DSG2: variants seen among roughly 807,000 people sequenced by gnomAD.
DSG2 encodes desmoglein 2, also known as desmoglein-2.
In DSG2, 45 loss-of-function variants were observed where a neutral mutation model predicts 75.6. That is an observed-to-expected ratio of 0.60 (90% CI 0.47 to 0.76). The LOEUF is 0.76. DSG2 is among the 30% of genes least tolerant of loss of function. DSG2 has a pLI of 0.00. For missense variants in DSG2, 1,267 were observed against 1,357.4 expected, an observed-to-expected ratio of 0.93 and a Z score of 1.05; for synonymous variants, 429 against 483.9, an observed-to-expected ratio of 0.89 and a Z score of 1.49.
chr18:31,499,087 CTGTT>C (rs989306545), intron 1 of DSG2, among the ~76,000 whole-genome samples: 9 of 146,610 alleles, frequency 6.1e-5, no homozygotes, highest in African/African-American at 2.2e-4. Flanking sequence ...TGTTGGTTTT[CTGTT>C]TGTTTAAGGG....
intron 14 of DSG2, among the ~76,000 whole-genome samples, chr18:31,544,865 C>T (rs1257998130): frequency 6.6e-6 from 1 of 152,174 alleles, no homozygotes; most frequent in Non-Finnish European, 1.5e-5. Flanking sequence ...CTGAAGGGCC[C>T]TAGAGAGGAG....
At chr18:31,533,467 T>C (rs1427692772) in intron 9 of DSG2, among the ~76,000 whole-genome samples, 1 of 152,246 alleles carries the variant, frequency 6.6e-6, no homozygotes, top group Non-Finnish European at 1.5e-5. Context: ...CATAATTTAC[T>C]GTTTTATTGA....
At chr18:31,502,087 G>T (rs1040746441) in intron 1 of DSG2, among the ~76,000 whole-genome samples, 1 of 152,162 alleles carries the variant, frequency 6.6e-6, no homozygotes, top group Admixed American at 6.5e-5. Flanking sequence ...ATGGGAAAAT[G>T]GCAGCTCTTA....
rs778119035 is a variant in DSG2 at position 31,536,333 on chromosome 18, G to A, written c.1555G>A (p.Asp519Asn). ...DAEYVNVTAE[D>N]LDGHPNSGPF... The stretch of plus-strand genomic sequence containing the variant: ...AGAGTATGTGAATGTTACTGCAGAG[G>A]ACCTGGATGGACACCCAAACAGTGG... The change falls in exon 11 of 15, where the codon GAC becomes AAC. Residue 519 changes from aspartate to asparagine, a missense_variant. Transcript: ENST00000261590. 1 of 1,614,064 alleles carries A rather than the reference G, an allele frequency of 6.2e-7. No individual in the cohort carries two copies. Among genetic ancestry groups the A allele is most frequent in the African/African-American group, 1.3e-5 (1 of 74,920 alleles).
Position 31,547,821 on chromosome 18 carries a change from A to G in DSG2, c.*1078A>G, listed in dbSNP as rs1344792567. The stretch of plus-strand genomic sequence containing the variant: ...AAATAATTTTACTTCTTATAGTAAT[A>G]GTATACTTTAAAAAGCCTCAGGGTA... On this transcript the variant is annotated 3_prime_UTR_variant, in exon 15 of 15. Transcript: ENST00000261590. 1 of 152,242 alleles carries G rather than the reference A, an allele frequency of 6.6e-6. No individual in the cohort carries two copies. Among genetic ancestry groups the G allele is most frequent in the African/African-American group, 2.4e-5 (1 of 41,464 alleles). 9.4% of individuals were successfully genotyped at this position (152,242 alleles called of 1,614,324 possible).
intron 9 of DSG2, 44 bp downstream of exon 9, chr18:31,531,296 T>C (rs765106844): frequency 6.2e-6 from 10 of 1,603,536 alleles, no homozygotes; most frequent in Non-Finnish European, 7.7e-6. Context: ...TAAATTATTT[T>C]CAGTGCCTAT....
chr18:31,519,424 T>A (rs1474247756), intron 2 of DSG2, among the ~76,000 whole-genome samples: 1 of 151,940 alleles, frequency 6.6e-6, no homozygotes, highest in Non-Finnish European at 1.5e-5. Context: ...ATTAGCCAGA[T>A]GTGGTGGTGC....
At chr18:31,498,920 G>A (rs1275419457) in intron 1 of DSG2, among the ~76,000 whole-genome samples, 1 of 152,104 alleles carries the variant, frequency 6.6e-6, no homozygotes, top group East Asian at 1.9e-4. Context: ...CAATATTAAA[G>A]ATAATAAACA....
At position 31,541,261 on chromosome 18, in the gene DSG2, A is replaced by T; in HGVS notation, c.1948A>T (p.Thr650Ser). ...CAAAGGCTTTACCCCCATACCTGGC[A>T]CCATAGAGATGCTGCATCCTTGGAA... Reference protein sequence around the residue: ...GAKGFTPIPGTIEMLHPWNNE... With the variant: ...GAKGFTPIPGSIEMLHPWNNE... The change falls in exon 13 of 15, where the codon ACC (threonine) becomes TCC (serine). Residue 650 changes from threonine to serine, a missense_variant. Coordinates refer to ENST00000261590, the MANE Select transcript of DSG2 (RefSeq NM_001943.5). The T allele has an allele frequency of 6.2e-7, 1 of 1,614,144 alleles. No individual in the cohort carries two copies. The highest frequency in any genetic ancestry group is 2.2e-5 in the East Asian group (1 of 44,872).
At chr18:31,532,452 G>A (rs913891513) in intron 9 of DSG2, among the ~76,000 whole-genome samples, 3 of 152,162 alleles carry the variant, frequency 2.0e-5, no homozygotes, top group African/African-American at 7.2e-5. Context: ...GAAAATCATA[G>A]CAGTCCCTGT....
chr18:31,523,062 A>G (rs2073138463), intron 6 of DSG2, among the ~76,000 whole-genome samples: 1 of 152,228 alleles, frequency 6.6e-6, no homozygotes, highest in African/African-American at 2.4e-5. Flanking sequence ...ACTCTTTGTC[A>G]TCAGATATAA....
intron 2 of DSG2, 146 bp downstream of exon 2, chr18:31,518,420 C>A: frequency 1.4e-6 from 1 of 717,390 alleles, no homozygotes; most frequent in Non-Finnish European, 2.5e-6. Flanking sequence ...AGGAGCTTAT[C>A]CAGGGGTATT....
Position 31,548,843 on chromosome 18 carries a change from TTA to T in DSG2, c.*2101_*2102del, listed in dbSNP as rs568673727. 1.2e-3 allele frequency: 181 copies of T among 152,326 alleles called. No individual in the cohort carries two copies. The highest frequency in any genetic ancestry group is 4.2e-3 in the African/African-American group (174 of 41,580). 9.4% of individuals were successfully genotyped at this position (152,326 alleles called of 1,614,324 possible). A position where few individuals can be genotyped will look rare whatever the true frequency, so the allele number is the denominator to read the frequency against. ...TAAAATATTTAAATAAAAAGTATCT[TTA>T]GAGTGACCCTTTCCCCATAGATTTT... is the stretch of plus-strand genomic sequence containing the variant. On this transcript the variant is annotated 3_prime_UTR_variant, in exon 15 of 15. Transcript: ENST00000261590.
intron 1 of DSG2, among the ~76,000 whole-genome samples, chr18:31,514,114 T>C (rs537764951): frequency 6.6e-6 from 1 of 152,122 alleles, no homozygotes; most frequent in South Asian, 2.1e-4. Flanking sequence ...GTGGGGGAAA[T>C]GGTAAAATCA....
intron 9 of DSG2, 53 bp downstream of exon 9, chr18:31,531,305 A>T (rs1013827714): frequency 1.1e-5 from 17 of 1,590,470 alleles, no homozygotes; most frequent in Non-Finnish European, 1.3e-5. Context: ...TTCAGTGCCT[A>T]TTTTCAAAAA....
chr18:31,545,766 G>T lies in DSG2; in HGVS notation c.2380G>T (p.Asp794Tyr). Residue 794 changes from aspartate to tyrosine, a missense_variant, in exon 15 of 15, where the codon GAT becomes TAT. Coordinates refer to ENST00000261590, the MANE Select transcript of DSG2 (RefSeq NM_001943.5). The stretch of plus-strand genomic sequence containing the variant: ...GGAAGATGAAAATCACACAGCCAAA[G>T]ATTGCCTTCTGGTTTATTCTCAGGA... ...TEEDENHTAK[D>Y]CLLVYSQEET... 1 of 1,614,138 alleles carries T rather than the reference G, an allele frequency of 6.2e-7. No individual in the cohort carries two copies. Among genetic ancestry groups the T allele is most frequent in the Non-Finnish European group, 8.5e-7 (1 of 1,180,016 alleles).
In DSG2 at chr18:31,542,513, C is replaced by G. The variant is rs1415718078; in HGVS notation, c.2002-7C>G. The G allele has an allele frequency of 6.2e-7, 1 of 1,613,700 alleles. No individual in the cohort carries two copies. Among genetic ancestry groups the G allele is most frequent in the Admixed American group, 1.7e-5 (1 of 60,028 alleles). On this transcript the variant is annotated splice_polypyrimidine_tract_variant and splice_region_variant and intron_variant, in intron 13 of 14. Transcript: ENST00000261590. ...GACTCAGTTCTCAGCTGTGTTTGCT[C>G]TCACAGGTGGTGCCATCATTTCTGC... is the stretch of plus-strand genomic sequence containing the variant.
In DSG2 at chr18:31,524,771, T is replaced by C; in HGVS notation, c.897T>C (p.Asp299=). Residue 299 remains aspartate, a synonymous_variant, in exon 8 of 15, where the codon GAT becomes GAC. Transcript: ENST00000261590. ...EVTRIKVFDA[D]EIGSDNWLAN... ...CGCGCATAAAAGTGTTCGATGCAGA[T>C]GAAATAGGTTCTGATAATTGGCTGG... 1.2e-6 allele frequency: 2 copies of C among 1,614,208 alleles called. No individual in the cohort carries two copies. Among genetic ancestry groups the C allele is most frequent in the Non-Finnish European group, 1.7e-6 (2 of 1,180,032 alleles).
At chr18:31,539,486 A>C (rs148025418) in intron 12 of DSG2, among the ~76,000 whole-genome samples, 1 of 152,148 alleles carries the variant, frequency 6.6e-6, no homozygotes. Flanking sequence ...GTCAGCACCA[A>C]AAGTAGGCAG....
Sources: gnomAD v4.1 joint callset for allele counts (sites outside exome capture counted in the v4.1 genomes callset) on GRCh38, gnomAD v4.1.1 for gene constraint, MANE v1.5 for transcripts, NCBI Gene and HGNC (gene_info 2026-07-23, HGNC 2026-07-21) for gene names.